Variants in POU2F2 observed in about 807,000 individuals in gnomAD.
The protein encoded by POU2F2 is POU class 2 homeobox 2.
Under a neutral mutation model 63.5 loss-of-function variants are expected in POU2F2, and 14 were observed. That is an observed-to-expected ratio of 0.22 (90% CI 0.15 to 0.34). The LOEUF (loss-of-function observed/expected upper bound fraction) is 0.34, where lower values mean the gene tolerates loss of function less well. POU2F2 is among the 10% of genes least tolerant of loss of function. The pLI, the probability that POU2F2 is intolerant of heterozygous loss-of-function variation, is 1.00. For missense variants in POU2F2, 607 were observed against 815.2 expected, an observed-to-expected ratio of 0.74 and a Z score of 3.11; for synonymous variants, 306 against 348.6, an observed-to-expected ratio of 0.88 and a Z score of 1.36.
chr19:42,148,308 T>A (rs2034272837), intron 2 of POU2F2, among the ~76,000 whole-genome samples: 3 of 152,214 alleles, frequency 2.0e-5, no homozygotes, highest in Admixed American at 2.0e-4. Context: ...AACTTTTGTT[T>A]GACGGTAATG....
intron 5 of POU2F2, among the ~76,000 whole-genome samples, chr19:42,116,069 C>T (rs750863283): frequency 6.6e-6 from 1 of 152,194 alleles, no homozygotes; most frequent in Non-Finnish European, 1.5e-5. Context: ...CACGGCCCTG[C>T]CGATACCTTG....
At chr19:42,121,043 G>A (rs991774258) in intron 4 of POU2F2, among the ~76,000 whole-genome samples, 5 of 152,154 alleles carry the variant, frequency 3.3e-5, no homozygotes, top group Admixed American at 2.6e-4. Flanking sequence ...CCAGGAAGGG[G>A]AGGGAGAAAC....
intron 2 of POU2F2, among the ~76,000 whole-genome samples, chr19:42,137,651 G>C (rs1054250303): frequency 6.6e-6 from 1 of 151,884 alleles, no homozygotes; most frequent in Non-Finnish European, 1.5e-5. Context: ...GCTTGAGGTC[G>C]AGGCTGCAGT....
chr19:42,114,430 A>C (rs369702076), intron 5 of POU2F2, among the ~76,000 whole-genome samples: 10 of 152,166 alleles, frequency 6.6e-5, no homozygotes, highest in African/African-American at 2.2e-4. Flanking sequence ...GGAAGGGAGC[A>C]GACTTCCCGG....
intron 1 of POU2F2, among the ~76,000 whole-genome samples, chr19:42,161,964 G>A (rs756022099): frequency 3.9e-5 from 6 of 152,222 alleles, no homozygotes; most frequent in African/African-American, 4.8e-5. Context: ...AATCGATGGC[G>A]TTTAATCGCC....
rs1432350828 is a variant in POU2F2 at position 42,146,149 on chromosome 19, T to TTG, written c.-9+14182_-9+14183insCA. On this transcript the variant is annotated intron_variant, in intron 2 of 6. Transcript: ENST00000524801. ...TTCTCACTGAATCTTCTCAATACTC[T>TTG]ACAAAAAAGCATTGTTAACATCCCC... 3.3e-5 allele frequency among the ~76,000 whole-genome samples: 5 copies of TTG among 152,170 alleles called. No homozygotes were observed. In the East Asian group the frequency reaches 9.6e-4, roughly 29 times the overall value.
rs1004908487 is a variant in POU2F2 at position 42,169,748 on chromosome 19, G to A, written c.-70+6215C>T. Among the ~76,000 whole-genome samples, 1 of 152,070 alleles carries A rather than the reference G, an allele frequency of 6.6e-6. No individual in the cohort carries two copies. Among genetic ancestry groups the A allele is most frequent in the African/African-American group, 2.4e-5 (1 of 41,386 alleles). The stretch of plus-strand genomic sequence containing the variant: ...TTGGCGAATGAGTGCGCGCACACGT[G>A]TGTGTGTGCGTGTGTGTGTGTGTCG... On this transcript the variant is annotated intron_variant, in intron 1 of 6. Coordinates refer to the POU2F2 transcript ENST00000524801. The surrounding 1 kb of genome is among the most constrained non-coding windows in gnomAD (Gnocchi z 4.3).
Position 42,099,706 on chromosome 19 carries a change from G to A in POU2F2, c.475+10C>T, listed in dbSNP as rs771337714. ...GGCGTCAGGGAGGCCATCTGGGGTG[G>A]GGGCCTTACCTGGCTGGCTCTGCTG... is the stretch of plus-strand genomic sequence containing the variant. On this transcript the variant is annotated intron_variant, in intron 6 of 14. Transcript: ENST00000692977. 6.3e-7 allele frequency: 1 copy of A among 1,597,892 alleles called. No individual in the cohort carries two copies. The highest frequency in any genetic ancestry group is 8.5e-7 in the Non-Finnish European group (1 of 1,171,570).
At chr19:42,125,484 C>G (rs958321307) in intron 1 of POU2F2, among the ~76,000 whole-genome samples, 6 of 152,018 alleles carry the variant, frequency 3.9e-5, no homozygotes, top group Admixed American at 2.6e-4. Context: ...GCTACTGATA[C>G]AAGATATAAG....
intron 1 of POU2F2, among the ~76,000 whole-genome samples, chr19:42,125,724 C>T (rs954537595): frequency 1.3e-5 from 2 of 152,328 alleles, no homozygotes; most frequent in South Asian, 4.1e-4. Context: ...TCAGGGCAAT[C>T]CTTTCCTGGC....
chr19:42,128,202 C>A (rs79570085), intron 1 of POU2F2, among the ~76,000 whole-genome samples: 1 of 151,994 alleles, frequency 6.6e-6, no homozygotes, highest in East Asian at 1.9e-4. Flanking sequence ...CCTAGGAGTA[C>A]GTCTTTGGAA....
rs756275706 is a variant in POU2F2 at position 42,099,432 on chromosome 19, A to T, written c.567+95T>A. On this transcript the variant is annotated intron_variant, in intron 7 of 14. Coordinates refer to ENST00000692977, the MANE Select transcript of POU2F2 (RefSeq NM_001394376.1). ...GGCAGAGTGTGGCTGGGTCAAATGG[A>T]AAGGAGACTCTCACTCATCCCCCAC... 69 of 1,114,906 alleles carry T rather than the reference A, an allele frequency of 6.2e-5. No homozygotes were observed. The Admixed American group carries it at 1.3e-3, about 22-fold the overall frequency. The allele number at this position is 1,114,906 out of a possible 1,614,324, so 69.1% of individuals were successfully genotyped here.
chr19:42,123,249 T>C (rs1309564893), intron 1 of POU2F2: 1 of 152,458 alleles, frequency 6.6e-6, no homozygotes, highest in Non-Finnish European at 1.5e-5. Context: ...CCTGAGCTTG[T>C]CCTCCAATCT....
In POU2F2 at chr19:42,155,060, C is replaced by T. The variant is rs1243192389; in HGVS notation, c.-9+5272G>A. ...TTCCTCGTACTCTGCCAGGCATGGC[C>T]AGCCTGGGGGGTGGGGGGCCAGGTG... On this transcript the variant is annotated intron_variant, in intron 2 of 6. Transcript: ENST00000524801. This position sits in a 1 kb window ranked among gnomAD's most constrained non-coding sequence, Gnocchi z 4.2. Among the ~76,000 whole-genome samples, 1 of 152,196 alleles carries T rather than the reference C, an allele frequency of 6.6e-6. No homozygotes were observed. Among genetic ancestry groups the T allele is most frequent in the Admixed American group, 6.5e-5 (1 of 15,286 alleles).
chr19:42,179,275 A>C (rs1170611454), upstream of POU2F2, among the ~76,000 whole-genome samples: 2 of 151,844 alleles, frequency 1.3e-5, no homozygotes, highest in African/African-American at 4.8e-5. Context: ...GGGAAGAAAG[A>C]GAGGAGGGCA....
At position 42,090,420 on chromosome 19, in the gene POU2F2, G is replaced by A. The variant is rs549942977; in HGVS notation, c.*837C>T. 1 of 152,690 alleles carries A rather than the reference G, an allele frequency of 6.5e-6. No homozygotes were observed. Among genetic ancestry groups the A allele is most frequent in the South Asian group, 2.1e-4 (1 of 4,820 alleles). The allele number at this position is 152,690 out of a possible 1,614,324, so 9.5% of individuals were successfully genotyped here. A position where few individuals can be genotyped will look rare whatever the true frequency, so the allele number is the denominator to read the frequency against. ...AGCCCACCCTTCAAAGGGGAAAAGA[G>A]GGAGGAACAGGGGATGAAAAGTTGT... On this transcript the variant is annotated 3_prime_UTR_variant, in exon 15 of 15. Coordinates refer to ENST00000692977, the MANE Select transcript of POU2F2 (RefSeq NM_001394376.1). The surrounding 1 kb of genome is among the most constrained non-coding windows in gnomAD (Gnocchi z 4.4).
chr19:42,137,572 T>C (rs922272807), intron 2 of POU2F2, among the ~76,000 whole-genome samples: 31 of 151,794 alleles, frequency 2.0e-4, no homozygotes, highest in Non-Finnish European at 4.4e-4. Context: ...AAAAATTGTT[T>C]TAACTTAGCT....
intron 7 of POU2F2, 107 bp downstream of exon 7, chr19:42,099,419 CT>C: frequency 3.1e-6 from 3 of 982,670 alleles, no homozygotes; most frequent in Non-Finnish European, 4.7e-6. Context: ...CAGAGTGTGG[CT>C]GGGTCAAATG....
chr19:42,107,347 T>C (rs1183047375), intron 5 of POU2F2, among the ~76,000 whole-genome samples: 3 of 152,098 alleles, frequency 2.0e-5, no homozygotes, highest in African/African-American at 7.2e-5. Flanking sequence ...AGAGTGAGAC[T>C]CCGTCTCAAA....
Sources: allele counts gnomAD v4.1 joint callset (sites outside exome capture counted in the v4.1 genomes callset), GRCh38; gene constraint gnomAD v4.1.1; non-coding constraint Gnocchi (gnomAD v3.1); transcripts MANE v1.5; gene names NCBI Gene and HGNC (gene_info 2026-07-23, HGNC 2026-07-21).